GJA5: variants seen among roughly 807,000 people sequenced by gnomAD.
GJA5 encodes gap junction protein alpha 5.
In GJA5, 3 loss-of-function variants were observed where a neutral mutation model predicts 7.9. The observed-to-expected ratio is 0.38, with a 90% CI of 0.17 to 0.99. The LOEUF (loss-of-function observed/expected upper bound fraction) is 0.99. GJA5 is among the 50% of genes least tolerant of loss of function. The pLI is 0.38. For missense variants in GJA5, 390 were observed against 457.9 expected (o/e 0.85, Z 1.35); for synonymous variants, 193 against 181.0 (o/e 1.07, Z -0.53).
chr1:147,770,686 C>T (rs1664363817), intron 1 of GJA5, among the ~76,000 whole-genome samples: 1 of 152,146 alleles, frequency 6.6e-6, no homozygotes, highest in East Asian at 1.9e-4. Flanking sequence ...TTCGGCCCTA[C>T]CCCTCAATTA....
At position 147,756,687 on chromosome 1, in the gene GJA5, C is replaced by T. The variant is rs1663748683; in HGVS notation, c.*1475G>A. On this transcript the variant is annotated 3_prime_UTR_variant, in exon 2 of 2. Transcript: ENST00000579774. ...TTTCAGGACTCCCCAAGCCTTTACC[C>T]ATCCCATCAGCACCCACACACACAC... The T allele has an allele frequency of 6.6e-6, 1 of 152,194 alleles. No homozygotes were observed. Among genetic ancestry groups the T allele is most frequent in the Admixed American group, 6.5e-5 (1 of 15,274 alleles). 9.4% of individuals were successfully genotyped at this position (152,194 alleles called of 1,614,324 possible).
chr1:147,764,194 T>C (rs1664119607), upstream of GJA5, among the ~76,000 whole-genome samples: 1 of 152,116 alleles, frequency 6.6e-6, no homozygotes, highest in Admixed American at 6.5e-5. Flanking sequence ...AATCATAAAC[T>C]CATAGCCAGA....
chr1:147,763,755 C>G (rs587652677), upstream of GJA5, among the ~76,000 whole-genome samples: 3 of 152,308 alleles, frequency 2.0e-5, no homozygotes, highest in Admixed American at 2.0e-4. Flanking sequence ...ATTTCATGTA[C>G]TGTATGGCCA....
At position 147,758,453 on chromosome 1, in the gene GJA5, T is replaced by C; in HGVS notation, c.786A>G (p.Thr262=). Residue 262 remains threonine (T), a synonymous_variant, in exon 2 of 2, where the codon ACA becomes ACG. Transcript: ENST00000579774. ...GPSVGIVQSC[T]PPPDFNQCLE... The stretch of plus-strand genomic sequence containing the variant: ...GGCACTGATTAAAGTCGGGGGGTGG[T>C]GTGCAGCTCTGGACTATGCCCACAG... 6.2e-7 allele frequency: 1 copy of C among 1,614,176 alleles called. No individual in the cohort carries two copies. Among genetic ancestry groups the C allele is most frequent in the Non-Finnish European group, 8.5e-7 (1 of 1,180,016 alleles).
chr1:147,759,526 C>T (rs1310415089), intron 1 of GJA5, among the ~76,000 whole-genome samples: 1 of 152,216 alleles, frequency 6.6e-6, no homozygotes, highest in Non-Finnish European at 1.5e-5. Flanking sequence ...ATCTAGAAAT[C>T]GTGGTGTGTG....
At position 147,758,513 on chromosome 1, in the gene GJA5, C is replaced by T. The variant is rs150432230; in HGVS notation, c.726G>A (p.Arg242=). The change falls in exon 2 of 2, where the codon CGG becomes CGA. Residue 242 remains arginine, a synonymous_variant. Coordinates refer to ENST00000579774, the MANE Select transcript of GJA5 (RefSeq NM_181703.4). ...AAAGCTGGCACTTAGCCATGTGCTG[C>T]CGCGGTTTGACAAATCGCTGTCTGA... ...KKIRQRFVKP[R]QHMAKCQLSG... 1.8e-4 allele frequency: 298 copies of T among 1,614,066 alleles called. 3 individuals are homozygous for T. In the African/African-American group the frequency reaches 3.5e-3, roughly 19 times the overall value.
At position 147,756,461 on chromosome 1, in the gene GJA5, TTA is replaced by T. The variant is rs1663737571; in HGVS notation, c.*1699_*1700del. Reference sequence around the variant, plus strand: ...CTTTCCTCCACCTCTCCACTCTCATTTATCTTTCCACCCAACAATAGCATCCA... The same window carrying T: ...CTTTCCTCCACCTCTCCACTCTCATTTCTTTCCACCCAACAATAGCATCCA... On this transcript the variant is annotated 3_prime_UTR_variant, in exon 2 of 2. Transcript: ENST00000579774. 1 of 152,172 alleles carries T rather than the reference TTA, an allele frequency of 6.6e-6. No homozygotes were observed. Among genetic ancestry groups the T allele is most frequent in the Non-Finnish European group, 1.5e-5 (1 of 68,032 alleles). The allele number at this position is 152,172 out of a possible 1,614,324, so 9.4% of individuals were successfully genotyped here.
Position 147,758,801 on chromosome 1 carries a change from C to T in GJA5, c.438G>A (p.Gln146=), listed in dbSNP as rs1553226989. The T allele has an allele frequency of 5.0e-6, 8 of 1,614,198 alleles. No individual in the cohort carries two copies. Among genetic ancestry groups the T allele is most frequent in the South Asian group, 1.1e-5 (1 of 91,086 alleles). ...ACACATAGGTGTTGAGCAGAGTGCCCTGGAGGGCAATCCTTCCATTCCCTT... is the reference window on the plus strand; with the variant it reads ...ACACATAGGTGTTGAGCAGAGTGCCTTGGAGGGCAATCCTTCCATTCCCTT... ...WEEGNGRIAL[Q]GTLLNTYVCS... Residue 146 remains glutamine, a synonymous_variant, in exon 2 of 2, where the codon CAG becomes CAA. Transcript: ENST00000579774.
Position 147,757,861 on chromosome 1 carries a change from G to T in GJA5, c.*301C>A, listed in dbSNP as rs1364033835. On this transcript the variant is annotated 3_prime_UTR_variant, in exon 2 of 2. Transcript: ENST00000579774. Reference sequence around the variant, plus strand: ...TCTATCCCTCTGGCTATCCCTTCCAGGCCAGCTTTTGCCATGCTTCCCTTC... The same window carrying T: ...TCTATCCCTCTGGCTATCCCTTCCATGCCAGCTTTTGCCATGCTTCCCTTC... 2.3e-6 allele frequency: 1 copy of T among 439,724 alleles called. No homozygotes were observed. The highest frequency in any genetic ancestry group is 4.6e-5 in the East Asian group (1 of 21,682). The allele number at this position is 439,724 out of a possible 1,614,324, so 27.2% of individuals were successfully genotyped here.
intron 1 of GJA5, among the ~76,000 whole-genome samples, chr1:147,771,256 A>G (rs1251156549): frequency 2.0e-5 from 3 of 152,128 alleles, no homozygotes; most frequent in African/African-American, 7.2e-5. Context: ...GGTGGGAGTC[A>G]ATACCAAAAA....
Position 147,759,290 on chromosome 1 carries a change from GAA to G in GJA5, c.-33-21_-33-20del, listed in dbSNP as rs781943927. 2.6e-6 allele frequency: 3 copies of G among 1,163,416 alleles called. No homozygotes were observed. Among genetic ancestry groups the G allele is most frequent in the Non-Finnish European group, 2.6e-6 (2 of 773,018 alleles). The allele number at this position is 1,163,416 out of a possible 1,614,324, so 72.1% of individuals were successfully genotyped here. On this transcript the variant is annotated intron_variant, in intron 1 of 1. Coordinates refer to ENST00000579774, the MANE Select transcript of GJA5 (RefSeq NM_181703.4). ...AAAACTTCTGCAAATGGGAGAGAGA[GAA>G]AGAGAGAAAAGAAGAAGGATGTTCT...
chr1:147,773,137 C>T (rs1207781136), intron 1 of GJA5: 1 of 152,218 alleles, frequency 6.6e-6, no homozygotes, highest in Non-Finnish European at 1.5e-5. Context: ...GGAATAAACT[C>T]ACAGGTAGAA....
chr1:147,764,513 C>T (rs1664130125), upstream of GJA5, among the ~76,000 whole-genome samples: 2 of 152,142 alleles, frequency 1.3e-5, no homozygotes, highest in African/African-American at 2.4e-5. Flanking sequence ...ACACTGGGCA[C>T]TCAATGGTGT....
At position 147,757,123 on chromosome 1, in the gene GJA5, A is replaced by T. The variant is rs1363872016; in HGVS notation, c.*1039T>A. On this transcript the variant is annotated 3_prime_UTR_variant, in exon 2 of 2. Transcript: ENST00000579774. ...GTGTTTTCTCTCCATTTTTATTTTCATCTTCACAGCAGAATTTTTTTTTCC... is the reference window on the plus strand; with the variant it reads ...GTGTTTTCTCTCCATTTTTATTTTCTTCTTCACAGCAGAATTTTTTTTTCC... 11 of 152,220 alleles carry T rather than the reference A, an allele frequency of 7.2e-5. No homozygotes were observed. The highest frequency in any genetic ancestry group is 2.4e-4 in the African/African-American group (10 of 41,464). The allele number at this position is 152,220 out of a possible 1,614,324, so 9.4% of individuals were successfully genotyped here.
In GJA5 at chr1:147,758,930, C is replaced by T. The variant is rs1010609800; in HGVS notation, c.309G>A (p.Gln103=). The T allele has an allele frequency of 8.7e-6, 14 of 1,614,138 alleles. No individual in the cohort carries two copies. Among genetic ancestry groups the T allele is most frequent in the Non-Finnish European group, 1.1e-5 (13 of 1,180,046 alleles). ...CGGCCTCCCGTAGCTTGCGCTTCTC[C>T]TGCATGCGCACAGTGTGCATGGCGT... is the stretch of plus-strand genomic sequence containing the variant. ...MGHAMHTVRM[Q]EKRKLREAER... Residue 103 remains glutamine (Q), a synonymous_variant, in exon 2 of 2, where the codon CAG becomes CAA. Transcript: ENST00000579774.
At chr1:147,760,331 T>C (rs1663951678) in intron 1 of GJA5, among the ~76,000 whole-genome samples, 168 bp downstream of exon 1, 1 of 152,146 alleles carries the variant, frequency 6.6e-6, no homozygotes, top group African/African-American at 2.4e-5. Context: ...TGTCCAGCCA[T>C]GCCAAGTCTT....
At chr1:147,769,425 C>T (rs1166640669) in intron 1 of GJA5, among the ~76,000 whole-genome samples, 4 of 152,198 alleles carry the variant, frequency 2.6e-5, no homozygotes, top group African/African-American at 9.7e-5. Context: ...ACTTATCCTC[C>T]CAATTTCTAA....
intron 1 of GJA5, among the ~76,000 whole-genome samples, chr1:147,771,794 T>A (rs1571082895): frequency 6.6e-6 from 1 of 152,094 alleles, no homozygotes; most frequent in Admixed American, 6.5e-5. Context: ...CACTGGCAGG[T>A]GCTGAGTGAG....
rs1043806 is a variant in GJA5, at chr1:147,757,166, A to T, written c.*996T>A. The T allele has an allele frequency of 6.6e-6, 1 of 152,058 alleles. No homozygotes were observed. Among genetic ancestry groups the T allele is most frequent in the Non-Finnish European group, 1.5e-5 (1 of 68,002 alleles). The allele number at this position is 152,058 out of a possible 1,614,324, so 9.4% of individuals were successfully genotyped here. ...TTTTTTCCACAAGGGGAATCTGAGA[A>T]GTACAATGCTTTCTTTGTTTTAACA... On this transcript the variant is annotated 3_prime_UTR_variant, in exon 2 of 2. Transcript: ENST00000579774.
Sources: gnomAD v4.1 joint callset for allele counts (sites outside exome capture counted in the v4.1 genomes callset) on GRCh38, gnomAD v4.1.1 for gene constraint, MANE v1.5 for transcripts, NCBI Gene and HGNC (gene_info 2026-07-23, HGNC 2026-07-21) for gene names.